SEL1L3: variants seen among roughly 807,000 people sequenced by gnomAD.
SEL1L3 encodes the protein SEL1L family member 3.
Under a neutral mutation model 142.8 loss-of-function variants are expected in SEL1L3, and 76 were observed. That is an observed-to-expected ratio of 0.53 (90% confidence interval 0.44 to 0.64). The LOEUF (loss-of-function observed/expected upper bound fraction) is 0.64. Among genes scored for constraint, SEL1L3 ranks in the 30% least tolerant of loss-of-function variants. SEL1L3 has a pLI of 0.00. For synonymous variants in SEL1L3, 504 were observed against 519.6 expected, an observed-to-expected ratio of 0.97 and a Z score of 0.41; for missense variants, 1,262 against 1,381.7, an observed-to-expected ratio of 0.91 and a Z score of 1.37.
intron 2 of SEL1L3, among the ~76,000 whole-genome samples, chr4:25,840,207 C>T (rs1245317409): frequency 1.3e-5 from 2 of 151,538 alleles, no homozygotes; most frequent in African/African-American, 2.4e-5. Flanking sequence ...AAAAGTGTTT[C>T]GAAAAATCAT....
chr4:25,786,916 T>C (rs561785781), intron 13 of SEL1L3, among the ~76,000 whole-genome samples: 9 of 152,344 alleles, frequency 5.9e-5, no homozygotes, highest in African/African-American at 2.2e-4. Flanking sequence ...TCATGGTTAA[T>C]TACTGAGTGG....
chr4:25,794,930 T>C (rs1477916335), intron 11 of SEL1L3, among the ~76,000 whole-genome samples: 1 of 151,972 alleles, frequency 6.6e-6, no homozygotes, highest in African/African-American at 2.4e-5. Flanking sequence ...TTGGAAGCCA[T>C]AATCCTCAGT....
chr4:25,833,836 T>C (rs2109285693), intron 3 of SEL1L3, among the ~76,000 whole-genome samples: 1 of 152,338 alleles, frequency 6.6e-6, no homozygotes, highest in Non-Finnish European at 1.5e-5. Context: ...CTCTGCCTCT[T>C]TGAGAATCTC....
intron 9 of SEL1L3, among the ~76,000 whole-genome samples, chr4:25,811,835 A>G (rs1156580110): frequency 1.4e-5 from 2 of 146,244 alleles, no homozygotes; most frequent in African/African-American, 5.1e-5. Context: ...AGTAATTTAT[A>G]TATTGGAGAA....
the SEL1L3 span, among the ~76,000 whole-genome samples, chr4:25,738,562 A>C: frequency 6.6e-6 from 1 of 152,162 alleles, no homozygotes; most frequent in Non-Finnish European, 1.5e-5. Flanking sequence ...TTGTGCACTA[A>C]ATTTCTTTGC....
chr4:25,770,689 G>A (rs560203574), intron 17 of SEL1L3, among the ~76,000 whole-genome samples: 7 of 139,954 alleles, frequency 5.0e-5, no homozygotes, highest in Admixed American at 7.7e-5. Flanking sequence ...GCAGTGAGCC[G>A]AGATTGCACC....
intron 13 of SEL1L3, among the ~76,000 whole-genome samples, chr4:25,787,476 C>T (rs1030397131): frequency 6.6e-6 from 1 of 152,132 alleles, no homozygotes; most frequent in Non-Finnish European, 1.5e-5. Flanking sequence ...ACAGCCACCA[C>T]ACCTGGCTAA....
rs33956733 is a variant in SEL1L3, at chr4:25,806,041, G to GTT, written c.1565-1291_1565-1290dup. ...GGGTTTTTTTTGTTTTGTTTTGTTT[G>GTT]TTTTTTTTTTTTTTTGAGATGGAGT... On this transcript the variant is annotated intron_variant, in intron 9 of 23. Transcript: ENST00000399878. 2.2e-3 allele frequency among the ~76,000 whole-genome samples: 295 copies of GTT among 134,798 alleles called. 1 individual carries two copies. Among genetic ancestry groups the GTT allele is most frequent in the South Asian group, 6.7e-3 (28 of 4,188 alleles). 88.4% of individuals were successfully genotyped at this position (134,798 alleles called of 152,430 possible). A position where few individuals can be genotyped will look rare whatever the true frequency, so the allele number is the denominator to read the frequency against.
At chr4:25,715,320 G>A in the SEL1L3 span, among the ~76,000 whole-genome samples, 3 of 152,086 alleles carry the variant, frequency 2.0e-5, no homozygotes, top group Admixed American at 1.3e-4. Flanking sequence ...AGCAAGACAC[G>A]CTCTCAATTT....
intron 17 of SEL1L3, among the ~76,000 whole-genome samples, chr4:25,768,678 A>C (rs1240977246): frequency 6.6e-6 from 1 of 152,192 alleles, no homozygotes; most frequent in Non-Finnish European, 1.5e-5. Flanking sequence ...AAAAACTGGA[A>C]ACAAATGTCT....
In SEL1L3 at chr4:25,765,497, T is replaced by G. The variant is rs116461027; in HGVS notation, c.2846-62A>C. 2,477 of 1,086,944 alleles carry G rather than the reference T, an allele frequency of 2.3e-3. 39 individuals are homozygous for G. In the African/African-American group the frequency reaches 0.034, roughly 15 times the overall value. The allele number at this position is 1,086,944 out of a possible 1,614,324, so 67.3% of individuals were successfully genotyped here. On this transcript the variant is annotated intron_variant, in intron 19 of 23. Transcript: ENST00000399878. ...GTTTTTTTTATACCAACATTTTAAA[T>G]TATTGGCGCATTCACATGAATGCAA...
At chr4:25,819,164 C>T (rs1273799106) in intron 8 of SEL1L3, among the ~76,000 whole-genome samples, 1 of 152,196 alleles carries the variant, frequency 6.6e-6, no homozygotes, top group Non-Finnish European at 1.5e-5. Context: ...GTGCTAGATC[C>T]AAGCTGGAAC....
chr4:25,716,533 T>C, the SEL1L3 span, among the ~76,000 whole-genome samples: 1 of 152,164 alleles, frequency 6.6e-6, no homozygotes. Flanking sequence ...AACATTTGCT[T>C]TAAAAGATAC....
intron 9 of SEL1L3, among the ~76,000 whole-genome samples, chr4:25,807,913 A>C (rs925557919): frequency 2.0e-5 from 3 of 152,208 alleles, no homozygotes; most frequent in Non-Finnish European, 4.4e-5. Context: ...GTGAAATTCA[A>C]AACTCCCCCC....
intron 2 of SEL1L3, among the ~76,000 whole-genome samples, chr4:25,836,528 T>C (rs774825599): frequency 1.6e-4 from 24 of 151,898 alleles, no homozygotes; most frequent in Non-Finnish European, 2.9e-4. Context: ...AGTGCGTGCC[T>C]GTAAACCCAG....
chr4:25,736,566 T>G, the SEL1L3 span, among the ~76,000 whole-genome samples: 1 of 152,286 alleles, frequency 6.6e-6, no homozygotes, highest in East Asian at 1.9e-4. Context: ...GTTTTATGGT[T>G]CAAGATATTG....
chr4:25,728,874 AAAAAG>A, the SEL1L3 span, among the ~76,000 whole-genome samples: 3 of 151,902 alleles, frequency 2.0e-5, no homozygotes, highest in Non-Finnish European at 2.9e-5. Flanking sequence ...AAAAAAAAAA[AAAAAG>A]AAAAGTAAAA....
intron 2 of SEL1L3, among the ~76,000 whole-genome samples, chr4:25,838,957 C>T (rs1716004310): frequency 1.3e-5 from 2 of 152,210 alleles, no homozygotes; most frequent in South Asian, 4.1e-4. Context: ...GTGCTTCGAA[C>T]ACACAGCAAT....
intron 9 of SEL1L3, among the ~76,000 whole-genome samples, chr4:25,811,090 C>T (rs752743): frequency 0.049 from 7,502 of 152,208 alleles, 601 homozygotes; most frequent in African/African-American, 0.17. Flanking sequence ...TCACTGTGGT[C>T]GCCCCAGGGC....
Sources: allele counts gnomAD v4.1 joint callset (sites outside exome capture counted in the v4.1 genomes callset), GRCh38; gene constraint gnomAD v4.1.1; transcripts MANE v1.5; gene names NCBI Gene and HGNC (gene_info 2026-07-23, HGNC 2026-07-21).